Variants in PAM observed in about 807,000 individuals in gnomAD.
PAM encodes the protein peptidyl-glycine alpha-amidating monooxygenase.
A neutral mutation model predicts 122.1 loss-of-function variants in PAM; 72 were observed. The observed-to-expected ratio is 0.59, with a 90% CI of 0.49 to 0.72. PAM has a LOEUF of 0.72. Ranked by LOEUF, PAM falls within the 30% of genes least tolerant of loss-of-function variation. PAM has a pLI of 0.00. For synonymous variants in PAM, 389 were observed against 404.4 expected (o/e 0.96, Z 0.46); for missense variants, 1,106 against 1,183.7 (o/e 0.93, Z 0.96).
At chr5:102,801,274 A>G (rs184758209) in intron 1 of PAM, among the ~76,000 whole-genome samples, 3 of 152,348 alleles carry the variant, frequency 2.0e-5, no homozygotes, top group Non-Finnish European at 2.9e-5. Flanking sequence ...AAACATATAA[A>G]TTATCTTTCA....
At chr5:102,830,532 C>A (rs149735921) in intron 1 of PAM, among the ~76,000 whole-genome samples, 1 of 152,322 alleles carries the variant, frequency 6.6e-6, no homozygotes, top group Non-Finnish European at 1.5e-5. Flanking sequence ...TCTTACTACA[C>A]CCTCAGCTCA....
Position 102,881,129 on chromosome 5 carries a change from T to TATACACACACACACACACACAC in PAM, c.210+13737_210+13738insTACACACACACACACACACACA, listed in dbSNP as rs145380302. ...AAAATTAAAAAATAATTTTTATACA[T>TATACACACACACACACACACAC]ACACACACACACACACACACACACA... is the stretch of plus-strand genomic sequence containing the variant. On this transcript the variant is annotated intron_variant, in intron 3 of 25. Coordinates refer to ENST00000438793, the MANE Select transcript of PAM (RefSeq NM_001177306.2). Among the ~76,000 whole-genome samples, 140 of 145,794 alleles carry TATACACACACACACACACACAC rather than the reference T, an allele frequency of 9.6e-4. 1 individual carries two copies. The highest frequency in any genetic ancestry group is 3.5e-3 in the African/African-American group (134 of 38,440).
chr5:102,879,077 T>C (rs978087097), intron 3 of PAM, among the ~76,000 whole-genome samples: 5 of 152,134 alleles, frequency 3.3e-5, no homozygotes, highest in South Asian at 4.2e-4. Flanking sequence ...TACAGGCGCC[T>C]GCCACCACAC....
chr5:102,988,511 G>A (rs753398919), intron 15 of PAM, among the ~76,000 whole-genome samples: 15 of 151,794 alleles, frequency 9.9e-5, no homozygotes, highest in Middle Eastern at 3.4e-3. Context: ...ATTCCTTTGC[G>A]TTCCCAGATT....
In PAM at chr5:102,802,849, A is replaced by G. The variant is rs113095688; in HGVS notation, c.-374+47501A>G. Among the ~76,000 whole-genome samples, 339 of 152,306 alleles carry G rather than the reference A, an allele frequency of 2.2e-3. 1 individual carries two copies. The highest frequency in any genetic ancestry group is 7.7e-3 in the African/African-American group (319 of 41,558). On this transcript the variant is annotated intron_variant, in intron 1 of 25. Transcript: ENST00000438793. ...ATGCATTATCTTTATCTTCATAACT[A>G]CATATGAGGTAGTACTATTGTTCTT...
chr5:103,021,403 A>G (rs1053645978), intron 23 of PAM, among the ~76,000 whole-genome samples: 1 of 152,192 alleles, frequency 6.6e-6, no homozygotes, highest in African/African-American at 2.4e-5. Flanking sequence ...AGATCTCACC[A>G]AAAAATTCTA....
chr5:102,897,122 C>T (rs1175177621), intron 3 of PAM, among the ~76,000 whole-genome samples: 5 of 151,596 alleles, frequency 3.3e-5, no homozygotes, highest in South Asian at 2.1e-4. Context: ...ACTTTCCATA[C>T]GTTTTCCTTG....
At chr5:102,981,889 C>G (rs1183723894) in intron 15 of PAM, among the ~76,000 whole-genome samples, 2 of 152,184 alleles carry the variant, frequency 1.3e-5, no homozygotes, top group African/African-American at 4.8e-5. Context: ...GTTGATTTAT[C>G]TAGTCATTTC....
rs1482150734 is a variant in PAM at position 103,017,381 on chromosome 5, G to A, written c.2379G>A (p.Val793=). ...TTGTTGCATCTGAAGATGGGACTGT[G>A]TACATTGGAGATGCTCATACCAACA... ...HDIVASEDGT[V]YIGDAHTNTV... is the part of the protein sequence containing the mutation. The change falls in exon 22 of 26, where the codon GTG becomes GTA. Residue 793 remains valine, a synonymous_variant. Transcript: ENST00000438793. 3.1e-6 allele frequency: 5 copies of A among 1,612,460 alleles called. No individual in the cohort carries two copies. The African/African-American group carries it at 6.7e-5, about 22-fold the overall frequency.
At chr5:102,938,612 G>GT (rs1365301475) in intron 7 of PAM, among the ~76,000 whole-genome samples, 6 of 151,958 alleles carry the variant, frequency 3.9e-5, no homozygotes, top group African/African-American at 1.2e-4. Flanking sequence ...TGCAACTCAT[G>GT]TTTTTTTAAT....
intron 14 of PAM, among the ~76,000 whole-genome samples, chr5:102,969,284 A>G (rs979781949): frequency 4.6e-5 from 7 of 152,136 alleles, no homozygotes; most frequent in Non-Finnish European, 8.8e-5. Flanking sequence ...TGGAAAAAAA[A>G]AAAAAGAAAA....
upstream of PAM, chr5:102,755,156 G>A (rs1005513844): frequency 1.2e-4 from 18 of 152,480 alleles, no homozygotes; most frequent in African/African-American, 2.9e-4. Flanking sequence ...ACCTGCCCCA[G>A]GAGTCGAGGG....
chr5:102,899,768 G>T (rs1797163202), intron 3 of PAM, among the ~76,000 whole-genome samples: 1 of 151,648 alleles, frequency 6.6e-6, no homozygotes, highest in Admixed American at 6.6e-5. Context: ...TGGGTCCAGT[G>T]TGAAGTGAAC....
At chr5:102,781,017 C>T (rs1403345913) in intron 1 of PAM, among the ~76,000 whole-genome samples, 1 of 151,802 alleles carries the variant, frequency 6.6e-6, no homozygotes, top group African/African-American at 2.4e-5. Flanking sequence ...CCAGATGTTG[C>T]CAAATGTCTC....
chr5:102,999,521 C>A (rs567030931), intron 16 of PAM, among the ~76,000 whole-genome samples: 3 of 152,228 alleles, frequency 2.0e-5, no homozygotes, highest in Admixed American at 1.3e-4. Flanking sequence ...GGAGACTCTT[C>A]GTGGGGGCTC....
intron 1 of PAM, among the ~76,000 whole-genome samples, chr5:102,842,941 T>C (rs555165024): frequency 5.7e-4 from 87 of 152,258 alleles, no homozygotes; most frequent in African/African-American, 2.0e-3. Flanking sequence ...TATCCCACCA[T>C]CAGGAACTAT....
At chr5:102,881,155 C>CACACACACACACACACACAG (rs1046039847) in intron 3 of PAM, among the ~76,000 whole-genome samples, 3 of 151,122 alleles carry the variant, frequency 2.0e-5, no homozygotes, top group East Asian at 1.9e-4. Flanking sequence ...CACACACACA[C>CACACACACACACACACACAG]AGAGACTTCT....
chr5:102,873,339 C>T (rs1788122415), intron 3 of PAM: 1 of 152,170 alleles, frequency 6.6e-6, no homozygotes, highest in Non-Finnish European at 1.5e-5. Flanking sequence ...GGGGAGAAAA[C>T]CAACAGCCTT....
Position 102,949,625 on chromosome 5 carries a change from C to A in PAM, c.724+8C>A, listed in dbSNP as rs1447280140. ...TTCACACTCACCATTTAGGTAAGAA[C>A]TTTACATGTTAAATTATAAATATTT... is the stretch of plus-strand genomic sequence containing the variant. On this transcript the variant is annotated splice_region_variant and intron_variant, in intron 10 of 25. Transcript: ENST00000438793. The A allele has an allele frequency of 1.6e-6, 2 of 1,251,814 alleles. No homozygotes were observed. Among genetic ancestry groups the A allele is most frequent in the Non-Finnish European group, 2.3e-6 (2 of 852,736 alleles). 77.5% of individuals were successfully genotyped at this position (1,251,814 alleles called of 1,614,324 possible).
Sources: gnomAD v4.1 joint callset for allele counts (sites outside exome capture counted in the v4.1 genomes callset) on GRCh38, gnomAD v4.1.1 for gene constraint, MANE v1.5 for transcripts, NCBI Gene and HGNC (gene_info 2026-07-23, HGNC 2026-07-21) for gene names.